Variants in EPB41L4A observed in about 807,000 individuals in gnomAD.
The protein encoded by EPB41L4A is erythrocyte membrane protein band 4.1 like 4A, also known as band 4.1-like protein 4A.
A neutral mutation model predicts 108.6 loss-of-function variants in EPB41L4A; 100 were observed. That is an observed-to-expected ratio of 0.92 (90% CI 0.78 to 1.09). EPB41L4A has a LOEUF of 1.09. Ranked by LOEUF, EPB41L4A falls within the 50% of genes least tolerant of loss-of-function variation. The probability of loss-of-function intolerance (pLI) is 0.00; values close to 1 mark genes in which losing one functional copy is unlikely to be tolerated. For missense variants in EPB41L4A, 1,030 were observed against 842.7 expected (o/e 1.22, Z -2.75); for synonymous variants, 319 against 289.0 (o/e 1.10, Z -1.05).
intron 1 of EPB41L4A, among the ~76,000 whole-genome samples, chr5:112,323,896 A>T (rs1755973584): frequency 1.3e-5 from 2 of 152,262 alleles, no homozygotes; most frequent in Non-Finnish European, 2.9e-5. Flanking sequence ...CTCAAATGCA[A>T]CACTGGAAAC....
intron 1 of EPB41L4A, among the ~76,000 whole-genome samples, chr5:112,371,608 A>G (rs1759501788): frequency 6.6e-6 from 1 of 152,146 alleles, no homozygotes; most frequent in African/African-American, 2.4e-5. Context: ...ATGTCCAAGG[A>G]CAAACAGTTT....
Position 112,162,718 on chromosome 5 carries a change from T to C in EPB41L4A, c.*2272A>G, listed in dbSNP as rs1462192278. On this transcript the variant is annotated 3_prime_UTR_variant, in exon 23 of 23. Transcript: ENST00000261486. Reference sequence around the variant, plus strand: ...TCTTCCCTTTGGAAACATAGATAAGTGGAGGGAATGTCATCACAAATGTAA... The same window carrying C: ...TCTTCCCTTTGGAAACATAGATAAGCGGAGGGAATGTCATCACAAATGTAA... The C allele has an allele frequency of 6.6e-6, 1 of 152,144 alleles. No homozygotes were observed. Among genetic ancestry groups the C allele is most frequent in the Non-Finnish European group, 1.5e-5 (1 of 68,044 alleles). The allele number at this position is 152,144 out of a possible 1,614,324, so 9.4% of individuals were successfully genotyped here.
At chr5:112,172,704 A>C (rs916006443) in intron 18 of EPB41L4A, among the ~76,000 whole-genome samples, 3 of 152,162 alleles carry the variant, frequency 2.0e-5, no homozygotes, top group African/African-American at 7.2e-5. Flanking sequence ...TTCTGACAGA[A>C]TGATGGTTCA....
intron 2 of EPB41L4A, among the ~76,000 whole-genome samples, chr5:112,305,485 T>C (rs1275443622): frequency 6.6e-6 from 1 of 152,186 alleles, no homozygotes; most frequent in Non-Finnish European, 1.5e-5. Context: ...TTTAAGACAA[T>C]GATTTTTTAA....
chr5:112,308,378 AGCACTTAATACT>A (rs1039539387), intron 1 of EPB41L4A, among the ~76,000 whole-genome samples: 6 of 152,200 alleles, frequency 3.9e-5, no homozygotes, highest in Non-Finnish European at 8.8e-5. Context: ...ACATATGGTG[AGCACTTAATACT>A]GCACTGCTTT....
Position 112,375,997 on chromosome 5 carries a change from C to T in EPB41L4A, c.99+42944G>A, listed in dbSNP as rs948671766. On this transcript the variant is annotated intron_variant, in intron 1 of 22. Coordinates refer to ENST00000261486, the MANE Select transcript of EPB41L4A (RefSeq NM_022140.5). ...CCCCAGGGGTTGGCTTTAATAATAC[C>T]GAAAGCATAAATAAAAACAAAAACC... Among the ~76,000 whole-genome samples the T allele has an allele frequency of 3.3e-5, 5 of 152,040 alleles. No individual in the cohort carries two copies. In the East Asian group the frequency reaches 7.7e-4, roughly 24 times the overall value.
Position 112,351,012 on chromosome 5 carries a change from C to G in EPB41L4A, c.100-43522G>C, listed in dbSNP as rs968934025. Among the ~76,000 whole-genome samples, 5 of 152,110 alleles carry G rather than the reference C, an allele frequency of 3.3e-5. No individual in the cohort carries two copies. The South Asian group carries it at 1.0e-3, about 32-fold the overall frequency. On this transcript the variant is annotated intron_variant, in intron 1 of 22. Transcript: ENST00000261486. ...ATATCCAGTAGTGGGACTGCTAGAT[C>G]ATATGGTAGTTCTATTTTTAGTCAC...
exon 13 of EPB41L4A, chr5:112,145,970 C>A (rs1437199367): frequency 2.2e-6 from 1 of 456,642 alleles, no homozygotes; most frequent in East Asian, 6.9e-5. Flanking sequence ...AAGTTCTCTG[C>A]CCTTTCTAGG....
At chr5:112,272,867 T>C (rs976325509) in intron 4 of EPB41L4A, among the ~76,000 whole-genome samples, 8 of 146,534 alleles carry the variant, frequency 5.5e-5, no homozygotes, top group Admixed American at 3.4e-4. Flanking sequence ...AAAAAATACA[T>C]AAAAGATTAT....
intron 2 of EPB41L4A, 88 bp downstream of exon 2, chr5:112,307,298 C>A: frequency 2.5e-6 from 2 of 794,344 alleles, no homozygotes; most frequent in Non-Finnish European, 4.2e-6. Flanking sequence ...TGACAAAGAA[C>A]CTAACCACCT....
intron 12 of EPB41L4A, among the ~76,000 whole-genome samples, chr5:112,221,247 A>G (rs901116030): frequency 1.3e-5 from 2 of 152,204 alleles, no homozygotes; most frequent in African/African-American, 2.4e-5. Flanking sequence ...GCCTCTAGCC[A>G]TAAGCAAATT....
In EPB41L4A at chr5:112,266,343, C is replaced by A. The variant is rs950114540; in HGVS notation, c.336-13G>T. On this transcript the variant is annotated splice_polypyrimidine_tract_variant and intron_variant, in intron 4 of 22. Transcript: ENST00000261486. ...GAAAAACTGATATCTAAAAGAGAAA[C>A]AAAAAGAGAGATTAACGATCTCTTA... 3 of 1,563,846 alleles carry A rather than the reference C, an allele frequency of 1.9e-6. No homozygotes were observed. The highest frequency in any genetic ancestry group is 1.9e-5 in the Admixed American group (1 of 53,128).
chr5:112,171,560 C>T (rs935950132), intron 18 of EPB41L4A, among the ~76,000 whole-genome samples: 1 of 152,240 alleles, frequency 6.6e-6, no homozygotes, highest in Non-Finnish European at 1.5e-5. Context: ...CATGCTGCCA[C>T]CCTCTTTACG....
At chr5:112,404,784 G>C (rs982539402) in intron 1 of EPB41L4A, among the ~76,000 whole-genome samples, 9 of 152,162 alleles carry the variant, frequency 5.9e-5, no homozygotes, top group Admixed American at 5.2e-4. Flanking sequence ...ATCAAGTGCA[G>C]GGCCTGGTGC....
At chr5:112,314,480 CAA>C (rs1373812580) in intron 1 of EPB41L4A, among the ~76,000 whole-genome samples, 1 of 124,874 alleles carries the variant, frequency 8.0e-6, no homozygotes, top group Non-Finnish European at 1.6e-5. Context: ...CCTGCCTCAC[CAA>C]CAATGTGAAA....
chr5:112,378,848 G>T (rs1759986754), intron 1 of EPB41L4A, among the ~76,000 whole-genome samples: 1 of 152,174 alleles, frequency 6.6e-6, no homozygotes, highest in Non-Finnish European at 1.5e-5. Context: ...TGGTAGGGTG[G>T]CCTCCATAGT....
upstream of EPB41L4A, chr5:112,419,463 C>T (rs1762949994): frequency 2.8e-6 from 1 of 362,814 alleles, no homozygotes; most frequent in Non-Finnish European, 5.4e-6. Flanking sequence ...CCTGGAAGCG[C>T]TGCACCTCCC....
intron 12 of EPB41L4A, among the ~76,000 whole-genome samples, chr5:112,218,967 A>T (rs949901577): frequency 1.3e-5 from 2 of 152,220 alleles, no homozygotes; most frequent in African/African-American, 4.8e-5. Flanking sequence ...CCTTAAACAT[A>T]TCCAATGTAA....
chr5:112,392,180 A>C (rs1356820179), intron 1 of EPB41L4A, among the ~76,000 whole-genome samples: 1 of 152,166 alleles, frequency 6.6e-6, no homozygotes, highest in Admixed American at 6.5e-5. Flanking sequence ...TGGGAAAACT[A>C]ACCAGCTAAC....
Sources: gnomAD v4.1 joint callset for allele counts (sites outside exome capture counted in the v4.1 genomes callset) on GRCh38, gnomAD v4.1.1 for gene constraint, MANE v1.5 for transcripts, NCBI Gene and HGNC (gene_info 2026-07-23, HGNC 2026-07-21) for gene names.